Variants in WDR7 observed in about 807,000 individuals in gnomAD.
WDR7 encodes WD repeat-containing protein 7.
Under a neutral mutation model 169.4 loss-of-function variants are expected in WDR7, and 46 were observed. That is an observed-to-expected ratio of 0.27 (90% confidence interval 0.21 to 0.35). The LOEUF (loss-of-function observed/expected upper bound fraction) is 0.35. Among genes scored for constraint, WDR7 ranks in the 10% least tolerant of loss-of-function variants. The pLI, the probability that WDR7 is intolerant of heterozygous loss-of-function variation, is 1.00. For missense variants in WDR7, 1,534 were observed against 1,859.3 expected, an observed-to-expected ratio of 0.83 and a Z score of 3.22; for synonymous variants, 612 against 666.8, an observed-to-expected ratio of 0.92 and a Z score of 1.27.
intron 1 of WDR7, among the ~76,000 whole-genome samples, chr18:56,665,150 A>G (rs1489109217): frequency 6.6e-6 from 1 of 152,016 alleles, no homozygotes; most frequent in African/African-American, 2.4e-5. Context: ...AAAATTAGTT[A>G]GGACTAGTAG....
intron 20 of WDR7, among the ~76,000 whole-genome samples, chr18:56,833,752 T>C (rs1485912651): frequency 6.6e-6 from 1 of 152,232 alleles, no homozygotes; most frequent in Non-Finnish European, 1.5e-5. Flanking sequence ...CTAGATTTTA[T>C]ATTCTAGACC....
At chr18:56,958,251 C>T (rs998244990) in intron 25 of WDR7, among the ~76,000 whole-genome samples, 3 of 152,160 alleles carry the variant, frequency 2.0e-5, no homozygotes, top group African/African-American at 7.2e-5. Context: ...CTGTGGGTTG[C>T]TCCTCAATAG....
intron 1 of WDR7, among the ~76,000 whole-genome samples, chr18:56,661,725 C>T (rs1215786944): frequency 6.6e-6 from 1 of 152,138 alleles, no homozygotes; most frequent in Non-Finnish European, 1.5e-5. Context: ...CCCTTAAATT[C>T]TGGAAACACT....
At chr18:57,018,577 T>C (rs1475594141) in intron 26 of WDR7, among the ~76,000 whole-genome samples, 1 of 152,202 alleles carries the variant, frequency 6.6e-6, no homozygotes, top group East Asian at 1.9e-4. Flanking sequence ...CTCCAGTTTT[T>C]CAGGAGAGGC....
chr18:56,818,171 G>A (rs2045017969), intron 20 of WDR7, among the ~76,000 whole-genome samples: 1 of 152,178 alleles, frequency 6.6e-6, no homozygotes, highest in African/African-American at 2.4e-5. Context: ...ATAAAAAGTA[G>A]TTGTTTAAGT....
At chr18:56,758,518 A>G (rs1487035622) in intron 15 of WDR7, among the ~76,000 whole-genome samples, 1 of 152,214 alleles carries the variant, frequency 6.6e-6, no homozygotes, top group Non-Finnish European at 1.5e-5. Flanking sequence ...TTTTTAATCT[A>G]TCTTTCTATG....
chr18:56,800,160 A>G (rs1487931128), intron 19 of WDR7, among the ~76,000 whole-genome samples: 3 of 152,168 alleles, frequency 2.0e-5, no homozygotes, highest in African/African-American at 7.2e-5. Flanking sequence ...TTGCAAGTTA[A>G]TTCTTTAAAA....
intron 17 of WDR7, among the ~76,000 whole-genome samples, chr18:56,778,680 A>G (rs934197903): frequency 6.6e-6 from 1 of 152,210 alleles, no homozygotes; most frequent in African/African-American, 2.4e-5. Flanking sequence ...GCACTGGCAT[A>G]CAGTGTTTGT....
chr18:56,934,235 A>C (rs1055608097), intron 22 of WDR7, among the ~76,000 whole-genome samples: 3 of 152,178 alleles, frequency 2.0e-5, no homozygotes, highest in African/African-American at 7.2e-5. Flanking sequence ...AATAAGTATT[A>C]AGCAGTCTAG....
At chr18:56,712,274 G>C (rs1207111419) in intron 12 of WDR7, among the ~76,000 whole-genome samples, 4 of 152,154 alleles carry the variant, frequency 2.6e-5, no homozygotes, top group Non-Finnish European at 5.9e-5. Flanking sequence ...TCTGGGAATG[G>C]TTTAAAATGA....
At chr18:56,854,866 AG>A (rs2045695200) in intron 20 of WDR7, among the ~76,000 whole-genome samples, 1 of 152,156 alleles carries the variant, frequency 6.6e-6, no homozygotes, top group Non-Finnish European at 1.5e-5. Context: ...CTGTTTTCTG[AG>A]GGCTGCTTCT....
intron 21 of WDR7, among the ~76,000 whole-genome samples, chr18:56,912,084 T>C (rs1399422929): frequency 6.6e-6 from 1 of 152,102 alleles, no homozygotes; most frequent in Non-Finnish European, 1.5e-5. Flanking sequence ...TGTTTAATGG[T>C]GTATGGGTGA....
At chr18:57,032,844 T>TATATATATATACAC (rs1464286392), downstream of WDR7, 6 of 123,752 alleles carry the variant, frequency 4.8e-5, no homozygotes, top group African/African-American at 1.7e-4. Context: ...TATATATATA[T>TATATATATATACAC]ACAGTGTAAT....
intron 16 of WDR7, among the ~76,000 whole-genome samples, chr18:56,765,358 TATG>T (rs1382474474): frequency 2.0e-5 from 3 of 152,078 alleles, no homozygotes; most frequent in African/African-American, 7.2e-5. Context: ...AGATTTTTTT[TATG>T]ATTCCATTTG....
chr18:56,672,468 A>ATAT, intron 1 of WDR7, 29 bp from the exon 2 acceptor site: 1 of 1,427,424 alleles, frequency 7.0e-7, no homozygotes, highest in Non-Finnish European at 9.2e-7. Context: ...AAATATTGTA[A>ATAT]TATCTGACAA....
At chr18:56,983,462 C>T (rs1203678848) in intron 26 of WDR7, among the ~76,000 whole-genome samples, 2 of 152,036 alleles carry the variant, frequency 1.3e-5, no homozygotes, top group Admixed American at 6.5e-5. Flanking sequence ...ACCAGCCTAC[C>T]AGTCATAAAT....
chr18:56,988,350 G>A (rs11873042), intron 26 of WDR7, among the ~76,000 whole-genome samples: 34,042 of 151,990 alleles, frequency 0.22, 4,472 homozygotes, highest in Non-Finnish European at 0.3. Context: ...CTGCCTGTGT[G>A]CAGCACTCCA....
intron 21 of WDR7, among the ~76,000 whole-genome samples, chr18:56,890,391 A>C (rs1599133400): frequency 6.6e-6 from 1 of 152,154 alleles, no homozygotes; most frequent in South Asian, 2.1e-4. Context: ...AGGTTAATAT[A>C]GGTTGAGATT....
chr18:56,715,605 A>C (rs1262237617), intron 12 of WDR7, among the ~76,000 whole-genome samples: 1 of 152,096 alleles, frequency 6.6e-6, no homozygotes, highest in Non-Finnish European at 1.5e-5. Context: ...AGGCTGAGGC[A>C]GGCGGATTGC....
Sources: gnomAD v4.1 joint callset for allele counts (sites outside exome capture counted in the v4.1 genomes callset) on GRCh38, gnomAD v4.1.1 for gene constraint, MANE v1.5 for transcripts, NCBI Gene and HGNC (gene_info 2026-07-23, HGNC 2026-07-21) for gene names.